ABCA13: variants seen among roughly 807,000 people sequenced by gnomAD.
ABCA13 encodes the protein ATP binding cassette subfamily A member 13.
In ABCA13, 476 loss-of-function variants were observed where a neutral mutation model predicts 478.7. The observed-to-expected ratio is 0.99, with a 90% confidence interval of 0.92 to 1.07. ABCA13 has a LOEUF of 1.07. ABCA13 is among the 50% of genes least tolerant of loss of function. ABCA13 has a pLI of 0.00. For synonymous variants in ABCA13, 2,252 were observed against 2,158.9 expected, an observed-to-expected ratio of 1.04 and a Z score of -1.20; for missense variants, 6,060 against 5,910.6, an observed-to-expected ratio of 1.03 and a Z score of -0.83.
In ABCA13 at chr7:48,392,060, G is replaced by C; in HGVS notation, c.11794G>C (p.Val3932Leu). Reference protein sequence around the residue: ...QQDILLDNLTVREHLLLFASI... With the variant: ...QQDILLDNLTLREHLLLFASI... ...GGACATCCTGTTGGACAACCTCACCGTCCGGGAACATTTGCTGCTCTTTGC... is the reference window on the plus strand; with the variant it reads ...GGACATCCTGTTGGACAACCTCACCCTCCGGGAACATTTGCTGCTCTTTGC... The change falls in exon 38 of 62, where the codon GTC becomes CTC. Residue 3932 changes from valine (V) to leucine (L), a missense_variant. Around this residue, in one of 3 missense-constraint regions of ABCA13, gnomAD observed 1,627 missense variants for 1,571.0 expected, o/e 1.04. Transcript: ENST00000435803. The C allele has an allele frequency of 6.2e-7, 1 of 1,613,960 alleles. No individual in the cohort carries two copies. Among genetic ancestry groups the C allele is most frequent in the Non-Finnish European group, 8.5e-7 (1 of 1,179,866 alleles).
At chr7:48,262,710 G>C (rs1051534275) in intron 15 of ABCA13, among the ~76,000 whole-genome samples, 1 of 151,862 alleles carries the variant, frequency 6.6e-6, no homozygotes, top group Non-Finnish European at 1.5e-5. Flanking sequence ...CCAAGCTGGT[G>C]GGAATTATAC....
intron 24 of ABCA13, 85 bp from the exon 25 acceptor site, chr7:48,312,982 G>C: frequency 7.3e-7 from 1 of 1,375,280 alleles, no homozygotes; most frequent in Non-Finnish European, 9.6e-7. Flanking sequence ...AGATAAACAA[G>C]TTTTCACAGC....
chr7:48,193,934 A>AT (rs1797516664), intron 2 of ABCA13, among the ~76,000 whole-genome samples: 1 of 48,178 alleles, frequency 2.1e-5, no homozygotes, highest in African/African-American at 7.8e-5. Context: ...ACAATAATGT[A>AT]GATAATAGTA....
chr7:48,501,594 T>A (rs2362314), intron 48 of ABCA13, among the ~76,000 whole-genome samples: 1 of 151,898 alleles, frequency 6.6e-6, no homozygotes, highest in African/African-American at 2.4e-5. Context: ...CTGTAGTTTG[T>A]GGGGGTTCAG....
chr7:48,636,807 G>A (rs1024495183), intron 59 of ABCA13, among the ~76,000 whole-genome samples: 2 of 152,142 alleles, frequency 1.3e-5, no homozygotes, highest in Non-Finnish European at 2.9e-5. Flanking sequence ...CCAGGGTGCT[G>A]TCATTACTCA....
chr7:48,538,076 C>A (rs191504033), intron 55 of ABCA13, among the ~76,000 whole-genome samples: 1 of 143,806 alleles, frequency 7.0e-6, no homozygotes, highest in Admixed American at 6.9e-5. Context: ...TACTCATTAT[C>A]TTATTTTTTT....
chr7:48,271,736 A>G (rs1795633937), intron 16 of ABCA13, 51 bp from the exon 17 acceptor site: 1 of 1,129,864 alleles, frequency 8.9e-7, no homozygotes, highest in South Asian at 3.8e-5. Flanking sequence ...AATTTGATAA[A>G]TCAAATTTAT....
At chr7:48,301,179 C>A (rs1453604653) in intron 23 of ABCA13, among the ~76,000 whole-genome samples, 1 of 151,870 alleles carries the variant, frequency 6.6e-6, no homozygotes, top group African/African-American at 2.4e-5. Flanking sequence ...AGAGGGCATT[C>A]CCTGAAAGTT....
chr7:48,428,987 T>C lies in ABCA13; in HGVS notation c.12565+1116T>C, dbSNP rs371359512. Among the ~76,000 whole-genome samples, 12 of 152,344 alleles carry C rather than the reference T, an allele frequency of 7.9e-5. No individual in the cohort carries two copies. In the East Asian group the frequency reaches 9.6e-4, roughly 12 times the overall value. ...GCCATAGGCAACCCCTAATGTACTT[T>C]CAATCTCTAATAGATGTGCCTATTT... On this transcript the variant is annotated intron_variant, in intron 42 of 61. Transcript: ENST00000435803.
At chr7:48,373,654 T>TCGAC (rs2129030386) in intron 33 of ABCA13, among the ~76,000 whole-genome samples, 1 of 152,346 alleles carries the variant, frequency 6.6e-6, no homozygotes, top group Admixed American at 6.5e-5. Context: ...CCATTGGTGG[T>TCGAC]CCTTCCCCAT....
chr7:48,344,846 T>C (rs1179513431), intron 29 of ABCA13, among the ~76,000 whole-genome samples: 1 of 152,200 alleles, frequency 6.6e-6, no homozygotes, highest in Admixed American at 6.5e-5. Context: ...CAGTTAATAC[T>C]AGACCACATT....
chr7:48,282,265 T>C (rs1350865423), intron 19 of ABCA13, among the ~76,000 whole-genome samples: 1 of 152,218 alleles, frequency 6.6e-6, no homozygotes, highest in African/African-American at 2.4e-5. Context: ...CTTAGGGCTT[T>C]TCTGAAAATG....
At chr7:48,480,320 A>G (rs987307271) in intron 45 of ABCA13, among the ~76,000 whole-genome samples, 1 of 152,156 alleles carries the variant, frequency 6.6e-6, no homozygotes, top group Admixed American at 6.5e-5. Flanking sequence ...GGCAACACTC[A>G]TTGTTTCAGT....
At chr7:48,511,027 T>C in intron 50 of ABCA13, 57 bp from the exon 51 acceptor site, 2 of 1,359,900 alleles carry the variant, frequency 1.5e-6, no homozygotes, top group Non-Finnish European at 2.1e-6. Flanking sequence ...AAGTAGATGA[T>C]AATAAATATG....
chr7:48,313,672 A>T (rs1035780518), intron 25 of ABCA13, among the ~76,000 whole-genome samples: 5 of 152,232 alleles, frequency 3.3e-5, no homozygotes, highest in African/African-American at 1.2e-4. Flanking sequence ...TAGTTTAGTG[A>T]CTTGATGTTA....
intron 20 of ABCA13, among the ~76,000 whole-genome samples, chr7:48,295,133 T>C (rs1351201734): frequency 2.6e-5 from 4 of 152,186 alleles, no homozygotes; most frequent in African/African-American, 9.6e-5. Flanking sequence ...CTGTACCAAT[T>C]TGCATTTCCA....
At chr7:48,339,153 C>T (rs1428418249) in intron 29 of ABCA13, among the ~76,000 whole-genome samples, 2 of 152,138 alleles carry the variant, frequency 1.3e-5, no homozygotes, top group Non-Finnish European at 2.9e-5. Context: ...GGCTCCCTCA[C>T]ACTCTGCTTG....
intron 29 of ABCA13, among the ~76,000 whole-genome samples, chr7:48,345,665 A>T (rs1807963513): frequency 6.6e-6 from 1 of 152,208 alleles, no homozygotes; most frequent in Admixed American, 6.5e-5. Context: ...AAAGTCAAAA[A>T]ATTAAAAAGT....
At chr7:48,234,425 G>A (rs1789639536) in intron 8 of ABCA13, among the ~76,000 whole-genome samples, 1 of 152,216 alleles carries the variant, frequency 6.6e-6, no homozygotes, top group East Asian at 1.9e-4. Context: ...AGCAGTGGGA[G>A]AGGCCAGGTC....
Sources: allele counts gnomAD v4.1 joint callset (sites outside exome capture counted in the v4.1 genomes callset), GRCh38; gene constraint gnomAD v4.1.1; regional missense constraint gnomAD v4.1.1; transcripts MANE v1.5; gene names NCBI Gene and HGNC (gene_info 2026-07-23, HGNC 2026-07-21).